MRPS31: variants seen among roughly 807,000 people sequenced by gnomAD.
MRPS31 encodes the protein mitochondrial ribosomal protein S31.
Under a neutral mutation model 43.1 loss-of-function variants are expected in MRPS31, and 32 were observed. The observed-to-expected ratio is 0.74, with a 90% CI of 0.56 to 1.00. The LOEUF (loss-of-function observed/expected upper bound fraction) is 1.00. Ranked by LOEUF, MRPS31 falls within the 50% of genes least tolerant of loss-of-function variation. The probability of loss-of-function intolerance (pLI) is 0.00; values close to 1 mark genes in which losing one functional copy is unlikely to be tolerated. For missense variants in MRPS31, 437 were observed against 466.7 expected (o/e 0.94, Z 0.59); for synonymous variants, 165 against 161.6 (o/e 1.02, Z -0.16).
At chr13:40,755,040 A>C (rs375704952) in intron 4 of MRPS31, among the ~76,000 whole-genome samples, 2 of 152,402 alleles carry the variant, frequency 1.3e-5, no homozygotes, top group East Asian at 3.9e-4. Flanking sequence ...GTCTCGAAGA[A>C]AAATAAAAAA....
chr13:40,752,362 A>G (rs980853333), intron 5 of MRPS31: 10 of 152,324 alleles, frequency 6.6e-5, no homozygotes, highest in African/African-American at 2.4e-4. Flanking sequence ...CCATTTGAGC[A>G]GGGAAGAGGC....
Position 40,763,191 on chromosome 13 carries a change from C to G in MRPS31, c.440+3555G>C, listed in dbSNP as rs549922673. Among the ~76,000 whole-genome samples, 288 of 152,326 alleles carry G rather than the reference C, an allele frequency of 1.9e-3. 1 individual carries two copies. Among genetic ancestry groups the G allele is most frequent in the Middle Eastern group, 6.8e-3 (2 of 294 alleles). On this transcript the variant is annotated intron_variant, in intron 2 of 6. Transcript: ENST00000323563. The stretch of plus-strand genomic sequence containing the variant: ...AACATTCAGACCCAAAGGACCACTA[C>G]AGGTGACACCTGGCCCAGTCCATTC...
chr13:40,731,930 A>G (rs1879711015), intron 6 of MRPS31, among the ~76,000 whole-genome samples: 1 of 152,238 alleles, frequency 6.6e-6, no homozygotes, highest in Non-Finnish European at 1.5e-5. Context: ...GAATGAATCA[A>G]TGAATGAATG....
At chr13:40,754,251 GATAAACAAAA>G (rs1330182224) in intron 4 of MRPS31, among the ~76,000 whole-genome samples, 159 bp from the exon 5 acceptor site, 1 of 152,144 alleles carries the variant, frequency 6.6e-6, no homozygotes, top group African/African-American at 2.4e-5. Flanking sequence ...TTTTAGGACT[GATAAACAAAA>G]AACAGAAATG....
Position 40,771,125 on chromosome 13 carries a change from T to C in MRPS31, c.12A>G (p.Arg4=). ...GGCGAAGAGGTAGGAACGTCGAGACTCTAGGAAACATCGCCGAGACACGAA... is the reference window on the plus strand; with the variant it reads ...GGCGAAGAGGTAGGAACGTCGAGACCCTAGGAAACATCGCCGAGACACGAA... The part of the protein sequence containing the change: MFP[R]VSTFLPLRPL... Residue 4 remains arginine (R), a synonymous_variant, in exon 1 of 7, where the codon AGA becomes AGG. Transcript: ENST00000323563. 1 of 1,603,962 alleles carries C rather than the reference T, an allele frequency of 6.2e-7. No homozygotes were observed. Among genetic ancestry groups the C allele is most frequent in the Non-Finnish European group, 8.5e-7 (1 of 1,174,002 alleles).
chr13:40,729,509 T>G lies in MRPS31; in HGVS notation c.1051A>C (p.Met351Leu). 1 of 1,614,078 alleles carries G rather than the reference T, an allele frequency of 6.2e-7. No homozygotes were observed. Among genetic ancestry groups the G allele is most frequent in the Non-Finnish European group, 8.5e-7 (1 of 1,179,944 alleles). ...GAAAGGCCACAAGTCACCAGCTCCA[T>G]GAAGTGGCGAATTGGTCCTTGTTTT... ...FPKQGPIRHF[M>L]ELVTCGLSKN... Residue 351 changes from methionine to leucine, a missense_variant, in exon 7 of 7, where the codon ATG becomes CTG. Transcript: ENST00000323563.
chr13:40,737,870 T>G (rs935374891), intron 6 of MRPS31, among the ~76,000 whole-genome samples: 3 of 151,446 alleles, frequency 2.0e-5, no homozygotes, highest in Admixed American at 2.0e-4. Context: ...ACATCACAAT[T>G]AAAAGAACTA....
intron 6 of MRPS31, among the ~76,000 whole-genome samples, chr13:40,735,096 G>A (rs1303262530): frequency 6.6e-6 from 1 of 152,206 alleles, no homozygotes; most frequent in Non-Finnish European, 1.5e-5. Flanking sequence ...CGAGCCGAAA[G>A]AGGGTGAGGC....
intron 6 of MRPS31, among the ~76,000 whole-genome samples, chr13:40,734,007 T>C (rs1255710832): frequency 6.8e-6 from 1 of 147,738 alleles, no homozygotes; most frequent in Non-Finnish European, 1.5e-5. Context: ...CTCATGTCTG[T>C]AATCCCAGCT....
At chr13:40,737,170 CAA>C (rs1296052273) in intron 6 of MRPS31, among the ~76,000 whole-genome samples, 1 of 150,872 alleles carries the variant, frequency 6.6e-6, no homozygotes, top group African/African-American at 2.4e-5. Context: ...CAACAAAGAT[CAA>C]AAGAGACAAA....
chr13:40,749,319 TGTAA>T (rs768330391), intron 5 of MRPS31, 38 bp from the exon 6 acceptor site: 1 of 1,476,396 alleles, frequency 6.8e-7, no homozygotes, highest in Admixed American at 2.7e-5. Flanking sequence ...AACAAGTCAA[TGTAA>T]GTATCTTTTT....
At position 40,759,069 on chromosome 13, in the gene MRPS31, A is replaced by T. The variant is rs376836833; in HGVS notation, c.478T>A (p.Ser160Thr). 6.2e-7 allele frequency: 1 copy of T among 1,605,892 alleles called. No homozygotes were observed. The highest frequency in any genetic ancestry group is 1.3e-5 in the African/African-American group (1 of 74,822). ...PLSPELVAAA[S>T]AVADSLPFDK... ...AAAGGGAGAGAATCTGCCACAGCAG[A>T]TGCAGCTGCCACCAACTCAGGACTC... Residue 160 changes from serine to threonine, a missense_variant, in exon 3 of 7, where the codon TCT (serine) becomes ACT (threonine). Physicochemically the swap from Ser to Thr is moderately conservative, Grantham distance 58 (BLOSUM62 1). Transcript: ENST00000323563.
intron 6 of MRPS31, among the ~76,000 whole-genome samples, chr13:40,736,790 A>C (rs1202641841): frequency 1.3e-5 from 2 of 148,968 alleles, no homozygotes; most frequent in Admixed American, 1.3e-4. Context: ...AGCGCTAAAC[A>C]TGGAAAGGAA....
chr13:40,754,221 T>C, intron 4 of MRPS31, 129 bp from the exon 5 acceptor site: 2 of 534,860 alleles, frequency 3.7e-6, no homozygotes, highest in Non-Finnish European at 6.3e-6. Context: ...ACATCAAAAA[T>C]ATTAGCTAAA....
chr13:40,757,881 G>A lies in MRPS31; in HGVS notation c.600-868C>T, dbSNP rs1354310896. Among the ~76,000 whole-genome samples, 9 of 150,112 alleles carry A rather than the reference G, an allele frequency of 6.0e-5. 1 individual carries two copies. The highest frequency in any genetic ancestry group is 4.9e-5 in the African/African-American group (2 of 40,876). On this transcript the variant is annotated intron_variant, in intron 3 of 6. Coordinates refer to ENST00000323563, the MANE Select transcript of MRPS31 (RefSeq NM_005830.4). ...CCCAAGGCCGGGTGCAGTGGCTCAC[G>A]CCTGTAATCCCAGCACTTTGGGAGG...
At chr13:40,769,084 T>C (rs1474349755) in intron 1 of MRPS31, among the ~76,000 whole-genome samples, 1 of 151,858 alleles carries the variant, frequency 6.6e-6, no homozygotes, top group African/African-American at 2.4e-5. Flanking sequence ...GGTTAAATAT[T>C]GTATCAAGTT....
rs1010468382 is a variant in MRPS31, at chr13:40,739,832, A to C, written c.958+9306T>G. ...TAAACGTTAGACCTAAAACCATAAA[A>C]ACCCTAGAAGAAAACCTAGGCATTA... On this transcript the variant is annotated intron_variant, in intron 6 of 6. Coordinates refer to ENST00000323563, the MANE Select transcript of MRPS31 (RefSeq NM_005830.4). Among the ~76,000 whole-genome samples, 114 of 152,010 alleles carry C rather than the reference A, an allele frequency of 7.5e-4. 1 individual carries two copies. Among genetic ancestry groups the C allele is most frequent in the Admixed American group, 1.3e-3 (20 of 15,246 alleles).
At position 40,753,350 on chromosome 13, in the gene MRPS31, T is replaced by C. The variant is rs752006417; in HGVS notation, c.814+669A>G. On this transcript the variant is annotated intron_variant, in intron 5 of 6. Coordinates refer to ENST00000323563, the MANE Select transcript of MRPS31 (RefSeq NM_005830.4). ...ATATCTTTATGTAATAGCATAGAGA[T>C]ACACTGTAAATGGTAGTTGATTATT... Among the ~76,000 whole-genome samples the C allele has an allele frequency of 5.9e-5, 9 of 152,362 alleles. No individual in the cohort carries two copies. The South Asian group carries it at 1.0e-3, about 18-fold the overall frequency.
chr13:40,754,971 T>C (rs766319238), intron 4 of MRPS31, among the ~76,000 whole-genome samples: 1 of 152,226 alleles, frequency 6.6e-6, no homozygotes, highest in Non-Finnish European at 1.5e-5. Context: ...GAAGCAGAAG[T>C]TGCAGTGAGC....
Sources: allele counts gnomAD v4.1 joint callset (sites outside exome capture counted in the v4.1 genomes callset), GRCh38; gene constraint gnomAD v4.1.1; transcripts MANE v1.5; gene names NCBI Gene and HGNC (gene_info 2026-07-23, HGNC 2026-07-21).